CR1L: variants seen among roughly 807,000 people sequenced by gnomAD.
CR1L encodes complement component receptor 1-like protein.
CR1L carries 59 observed loss-of-function variants against 62.3 expected under a neutral mutation model. That is an observed-to-expected ratio of 0.95 (90% CI 0.77 to 1.18). CR1L has a LOEUF of 1.18. Ranked by LOEUF, CR1L falls within the 50% of genes most tolerant of loss-of-function variation. The pLI is 0.00. For missense variants in CR1L, 700 were observed against 702.8 expected (o/e 1.00, Z 0.04); for synonymous variants, 279 against 248.7 (o/e 1.12, Z -1.15).
intron 10 of CR1L, among the ~76,000 whole-genome samples, chr1:207,711,120 T>C (rs1175807350): frequency 6.6e-6 from 1 of 152,254 alleles, no homozygotes; most frequent in Non-Finnish European, 1.5e-5. Flanking sequence ...GCACTTTGTA[T>C]ACATTATCTC....
At chr1:207,699,460 C>T (rs533207889) in intron 8 of CR1L, among the ~76,000 whole-genome samples, 186 bp downstream of exon 8, 1 of 152,190 alleles carries the variant, frequency 6.6e-6, no homozygotes, top group African/African-American at 2.4e-5. Context: ...ACTATCTGAT[C>T]TGTCTCTGTC....
intron 1 of CR1L, among the ~76,000 whole-genome samples, chr1:207,670,297 A>T (rs1663590168): frequency 1.3e-5 from 2 of 151,312 alleles, no homozygotes; most frequent in African/African-American, 4.9e-5. Context: ...AGAGCAAGGG[A>T]AGCCCCAGAA....
At chr1:207,649,596 C>T (rs907513834) in intron 1 of CR1L, among the ~76,000 whole-genome samples, 1 of 152,094 alleles carries the variant, frequency 6.6e-6, no homozygotes, top group Non-Finnish European at 1.5e-5. Flanking sequence ...AGATGAATGG[C>T]AGTAATGGGA....
intron 10 of CR1L, chr1:207,710,885 G>C: frequency 8.4e-7 from 1 of 1,195,162 alleles, no homozygotes; most frequent in Non-Finnish European, 1.2e-6. Context: ...ATGTTGAGGA[G>C]GGTGGGAAAG....
At chr1:207,657,878 C>A (rs990787388) in intron 1 of CR1L, among the ~76,000 whole-genome samples, 7 of 152,104 alleles carry the variant, frequency 4.6e-5, no homozygotes, top group African/African-American at 1.2e-4. Flanking sequence ...CCAAAGTAGA[C>A]CATATTCTAG....
intron 4 of CR1L, among the ~76,000 whole-genome samples, chr1:207,692,246 ATTG>A (rs1025990530): frequency 6.6e-6 from 1 of 152,344 alleles, no homozygotes; most frequent in African/African-American, 2.4e-5. Context: ...CAAAGACGTA[ATTG>A]TTGTTGTTGT....
chr1:207,694,607 T>C lies in CR1L; in HGVS notation c.718T>C (p.Leu240=), dbSNP rs144413487. 9.8e-4 allele frequency: 1,582 copies of C among 1,611,874 alleles called. 4 individuals carry two copies. Among genetic ancestry groups the C allele is most frequent in the Non-Finnish European group, 1.2e-3 (1,431 of 1,179,730 alleles). The change falls in exon 5 of 12, where the codon TTG becomes CTG. Residue 240 remains leucine (L), a synonymous_variant. Transcript: ENST00000508064. ...CTPPNVENGI[L]VSDNRSLFSL... ...GCCTCCAAATGTGGAAAATGGAATA[T>C]TGGTATCTGACAACAGAAGCTTATT...
At chr1:207,657,381 G>A in intron 1 of CR1L, 1 of 697,166 alleles carries the variant, frequency 1.4e-6, no homozygotes, top group East Asian at 2.7e-5. Flanking sequence ...TTTGTAAATA[G>A]TTTTATCTAC....
intron 7 of CR1L, among the ~76,000 whole-genome samples, chr1:207,698,453 T>C (rs779024085): frequency 6.6e-6 from 1 of 152,188 alleles, no homozygotes; most frequent in East Asian, 1.9e-4. Flanking sequence ...AGCAAGGTCA[T>C]TACCTTGTTT....
At chr1:207,691,690 A>G (rs867166097) in intron 4 of CR1L, among the ~76,000 whole-genome samples, 118 of 152,214 alleles carry the variant, frequency 7.8e-4, no homozygotes, top group African/African-American at 2.7e-3. Context: ...CTCTAGAGAC[A>G]GACATCCTTG....
At chr1:207,678,170 G>A (rs1663730559) in intron 2 of CR1L, 28 bp from the exon 3 acceptor site, 2 of 1,606,492 alleles carry the variant, frequency 1.2e-6, no homozygotes, top group African/African-American at 1.3e-5. Context: ...ACTCTACTTG[G>A]CTTCAAATTT....
chr1:207,700,612 C>G (rs1664175744), intron 8 of CR1L, among the ~76,000 whole-genome samples: 1 of 152,160 alleles, frequency 6.6e-6, no homozygotes, highest in Non-Finnish European at 1.5e-5. Flanking sequence ...TTATAATGGC[C>G]TGAATATGTT....
chr1:207,675,762 A>G (rs886678190), intron 1 of CR1L, among the ~76,000 whole-genome samples: 2 of 152,228 alleles, frequency 1.3e-5, no homozygotes, highest in African/African-American at 4.8e-5. Flanking sequence ...CAACAGATAT[A>G]TCTTCTTGAT....
At chr1:207,696,410 A>G (rs1490482646) in intron 5 of CR1L, among the ~76,000 whole-genome samples, 2 of 152,224 alleles carry the variant, frequency 1.3e-5, no homozygotes, top group African/African-American at 2.4e-5. Context: ...GAGCCCAGCT[A>G]TCAAGGAAGA....
intron 4 of CR1L, among the ~76,000 whole-genome samples, chr1:207,694,014 G>A (rs533721067): frequency 2.4e-4 from 36 of 151,906 alleles, no homozygotes; most frequent in South Asian, 6.2e-4. Flanking sequence ...TTCTAAAAAG[G>A]CTAACCTCAG....
At chr1:207,709,099 T>A (rs1312858442) in intron 10 of CR1L, 1 of 237,562 alleles carries the variant, frequency 4.2e-6, no homozygotes, top group Non-Finnish European at 8.3e-6. Context: ...TTGTTCTTAT[T>A]ATTTAATAAA....
chr1:207,695,121 G>T (rs1324585771), intron 5 of CR1L, among the ~76,000 whole-genome samples: 1 of 151,994 alleles, frequency 6.6e-6, no homozygotes, highest in Non-Finnish European at 1.5e-5. Flanking sequence ...AGTTTTTCTA[G>T]GTTTGTCTGT....
At chr1:207,714,385 G>T (rs1048326020) in intron 10 of CR1L, among the ~76,000 whole-genome samples, 27 of 152,296 alleles carry the variant, frequency 1.8e-4, no homozygotes, top group African/African-American at 5.8e-4. Flanking sequence ...TCAGAGGAAA[G>T]CACACCCAAC....
At chr1:207,664,030 T>C (rs1043737803) in intron 1 of CR1L, among the ~76,000 whole-genome samples, 1 of 152,236 alleles carries the variant, frequency 6.6e-6, no homozygotes, top group African/African-American at 2.4e-5. Flanking sequence ...CAACTAAATT[T>C]ATAGCAACTG....
Sources: gnomAD v4.1 joint callset for allele counts (sites outside exome capture counted in the v4.1 genomes callset) on GRCh38, gnomAD v4.1.1 for gene constraint, MANE v1.5 for transcripts, NCBI Gene and HGNC (gene_info 2026-07-23, HGNC 2026-07-21) for gene names.